BBX: variants seen among roughly 807,000 people sequenced by gnomAD.
The protein encoded by BBX is BBX high mobility group box domain containing.
A neutral mutation model predicts 100.2 loss-of-function variants in BBX; 30 were observed. The ratio of observed to expected loss-of-function variants is 0.30; its 90% CI spans 0.22 to 0.41. The LOEUF is 0.41. Ranked by LOEUF, BBX falls within the 10% of genes least tolerant of loss-of-function variation. The pLI is 1.00. For synonymous variants in BBX, 376 were observed against 388.1 expected (o/e 0.97, Z 0.37); for missense variants, 1,023 against 1,129.8 (o/e 0.91, Z 1.35).
chr3:107,713,567 A>G (rs538894896), intron 4 of BBX, among the ~76,000 whole-genome samples: 1 of 152,296 alleles, frequency 6.6e-6, no homozygotes, highest in African/African-American at 2.4e-5. Context: ...TTATGTATTT[A>G]CTTTTTGATT....
intron 3 of BBX, among the ~76,000 whole-genome samples, chr3:107,702,179 G>A (rs766418585): frequency 2.0e-5 from 3 of 152,204 alleles, no homozygotes; most frequent in Non-Finnish European, 2.9e-5. Context: ...TTAGAGTTAG[G>A]GTTTATTACT....
At chr3:107,673,641 T>C (rs1311670911) in intron 3 of BBX, among the ~76,000 whole-genome samples, 1 of 152,116 alleles carries the variant, frequency 6.6e-6, no homozygotes, top group Admixed American at 6.6e-5. Flanking sequence ...AAGTTTTCTG[T>C]TTTATAAATT....
rs1391201291 is a variant in BBX, at chr3:107,806,407, T to G, written c.*950T>G. On this transcript the variant is annotated 3_prime_UTR_variant, in exon 18 of 18. Transcript: ENST00000325805. ...TATTACTTCACTATTCTAAACACAT[T>G]GAAGACACTCACTTCATGTGGACTT... 2 of 152,238 alleles carry G rather than the reference T, an allele frequency of 1.3e-5. No individual in the cohort carries two copies. The highest frequency in any genetic ancestry group is 2.9e-5 in the Non-Finnish European group (2 of 68,044). 9.4% of individuals were successfully genotyped at this position (152,238 alleles called of 1,614,324 possible).
intron 2 of BBX, among the ~76,000 whole-genome samples, chr3:107,571,949 G>A (rs1275352267): frequency 1.3e-5 from 2 of 152,246 alleles, no homozygotes; most frequent in African/African-American, 4.8e-5. Flanking sequence ...CCTTAGCTGA[G>A]TGAGGTACCA....
intron 2 of BBX, among the ~76,000 whole-genome samples, chr3:107,614,574 T>C (rs1489769094): frequency 6.6e-6 from 1 of 152,220 alleles, no homozygotes; most frequent in African/African-American, 2.4e-5. Context: ...AATCTGAAGA[T>C]CCTCAGGCCC....
At chr3:107,803,732 C>G (rs1036503686) in intron 17 of BBX, among the ~76,000 whole-genome samples, 6 of 152,168 alleles carry the variant, frequency 3.9e-5, no homozygotes, top group African/African-American at 1.4e-4. Context: ...AACTCCTTAT[C>G]TCGCGTACTG....
chr3:107,588,790 G>GCATA (rs1321495604), intron 2 of BBX, among the ~76,000 whole-genome samples: 2 of 152,146 alleles, frequency 1.3e-5, no homozygotes, highest in African/African-American at 4.8e-5. Context: ...TGTTTTAAAG[G>GCATA]CAGTATGCCT....
intron 2 of BBX, among the ~76,000 whole-genome samples, chr3:107,543,901 C>T (rs1576241719): frequency 2.0e-5 from 3 of 152,268 alleles, no homozygotes; most frequent in Admixed American, 6.5e-5. Context: ...TTGTGTACTG[C>T]GACGCCTCAT....
intron 10 of BBX, among the ~76,000 whole-genome samples, chr3:107,758,452 A>G (rs1297377011): frequency 6.6e-6 from 1 of 152,176 alleles, no homozygotes; most frequent in Non-Finnish European, 1.5e-5. Flanking sequence ...TTGGACAGTA[A>G]CAGAGAGGGG....
intron 2 of BBX, among the ~76,000 whole-genome samples, chr3:107,544,392 A>G (rs976526066): frequency 3.9e-5 from 6 of 152,196 alleles, no homozygotes; most frequent in African/African-American, 7.2e-5. Context: ...GGCATCTCTT[A>G]GGGTTCTAGA....
intron 5 of BBX, among the ~76,000 whole-genome samples, chr3:107,717,426 A>C (rs1283959577): frequency 6.6e-6 from 1 of 152,096 alleles, no homozygotes; most frequent in Non-Finnish European, 1.5e-5. Context: ...AAAGTTGGAC[A>C]AAGATTTGTA....
intron 2 of BBX, among the ~76,000 whole-genome samples, chr3:107,581,253 T>C (rs1332439056): frequency 6.6e-6 from 1 of 152,098 alleles, no homozygotes; most frequent in Admixed American, 6.5e-5. Context: ...CACTTATATA[T>C]ATATTATTAT....
chr3:107,794,859 AC>A (rs569608883), intron 15 of BBX, among the ~76,000 whole-genome samples: 9 of 152,098 alleles, frequency 5.9e-5, no homozygotes, highest in Non-Finnish European at 1.3e-4. Flanking sequence ...TTCCCAAAAA[AC>A]CTACTCCACA....
At chr3:107,698,872 G>T (rs981356191) in intron 3 of BBX, among the ~76,000 whole-genome samples, 10 of 151,774 alleles carry the variant, frequency 6.6e-5, no homozygotes, top group Admixed American at 6.6e-4. Flanking sequence ...TTGGCAGTTT[G>T]AATATGCTAT....
At chr3:107,748,140 T>A in intron 9 of BBX, 101 bp downstream of exon 9, 1 of 944,142 alleles carries the variant, frequency 1.1e-6, no homozygotes, top group South Asian at 1.6e-5. Flanking sequence ...TAGGCATGCC[T>A]GTTGTCATTA....
rs571876564 is a variant in BBX at position 107,691,193 on chromosome 3, C to T, written c.-9-19259C>T. On this transcript the variant is annotated intron_variant, in intron 3 of 17. Coordinates refer to ENST00000325805, the MANE Select transcript of BBX (RefSeq NM_001142568.3). ...ATAGTGCTGGGATTACAGACATGAG[C>T]CATGGCACCTGGCCACTCTCGTACT... Among the ~76,000 whole-genome samples the T allele has an allele frequency of 2.1e-3, 314 of 152,138 alleles. 3 individuals are homozygous for T. The highest frequency in any genetic ancestry group is 2.9e-3 in the Non-Finnish European group (200 of 68,002).
intron 10 of BBX, among the ~76,000 whole-genome samples, chr3:107,771,833 G>T (rs2066930901): frequency 1.3e-5 from 2 of 152,052 alleles, no homozygotes; most frequent in Non-Finnish European, 2.9e-5. Flanking sequence ...ATTTCAAGTG[G>T]ACAGGTAGAA....
intron 5 of BBX, among the ~76,000 whole-genome samples, chr3:107,724,025 C>G (rs2062736925): frequency 6.6e-6 from 1 of 152,178 alleles, no homozygotes; most frequent in Non-Finnish European, 1.5e-5. Flanking sequence ...ACAGTCCCAC[C>G]AACAGTGTAA....
At chr3:107,710,411 C>T (rs756508701) in intron 3 of BBX, 41 bp from the exon 4 acceptor site, 6 of 1,493,760 alleles carry the variant, frequency 4.0e-6, no homozygotes, top group Non-Finnish European at 5.5e-6. Flanking sequence ...CTCTCTTTCT[C>T]TCCCTGTTTC....
Sources: gnomAD v4.1 joint callset for allele counts (sites outside exome capture counted in the v4.1 genomes callset) on GRCh38, gnomAD v4.1.1 for gene constraint, MANE v1.5 for transcripts, NCBI Gene and HGNC (gene_info 2026-07-23, HGNC 2026-07-21) for gene names.